The following BRINP1 variants were observed in gnomAD, a reference collection of about 807,000 sequenced individuals.
BRINP1 encodes BMP/retinoic acid-inducible neural-specific protein 1.
A neutral mutation model predicts 72.9 loss-of-function variants in BRINP1; 17 were observed. The ratio of observed to expected loss-of-function variants is 0.23; its 90% CI spans 0.16 to 0.35. The LOEUF (loss-of-function observed/expected upper bound fraction) is 0.35. Among genes scored for constraint, BRINP1 ranks in the 10% least tolerant of loss-of-function variants. The probability of loss-of-function intolerance (pLI) is 1.00; values close to 1 mark genes in which losing one functional copy is unlikely to be tolerated. For synonymous variants in BRINP1, 418 were observed against 378.5 expected (o/e 1.10, Z -1.21); for missense variants, 850 against 1,001.6 (o/e 0.85, Z 2.04).
rs754700062 is a variant in BRINP1, at chr9:119,208,879, G to A, written c.985C>T (p.His329Tyr). Residue 329 changes from histidine (H) to tyrosine (Y), a missense_variant, in exon 7 of 8, where the codon CAT becomes TAT. Coordinates refer to ENST00000265922, the MANE Select transcript of BRINP1 (RefSeq NM_014618.3). ...TCCCAGTCATTGCCCCAGTGCTGATGGATGCTTCCGATGGTCAGGAAGTGG... is the reference window on the plus strand; with the variant it reads ...TCCCAGTCATTGCCCCAGTGCTGATAGATGCTTCCGATGGTCAGGAAGTGG... ...SNHFLTIGSI[H>Y]QHWGNDWDLQ... The A allele has an allele frequency of 6.2e-6, 10 of 1,614,028 alleles. No homozygotes were observed. In the African/African-American group the frequency reaches 1.3e-4, roughly 22 times the overall value.
chr9:119,319,079 C>T (rs1448939573), intron 1 of BRINP1, among the ~76,000 whole-genome samples: 4 of 152,006 alleles, frequency 2.6e-5, no homozygotes, highest in African/African-American at 9.7e-5. Flanking sequence ...AAGACAGCCC[C>T]CACAACAAAG....
At chr9:119,243,923 AC>A (rs1830286574) in intron 3 of BRINP1, among the ~76,000 whole-genome samples, 1 of 152,186 alleles carries the variant, frequency 6.6e-6, no homozygotes, top group Admixed American at 6.5e-5. Context: ...AAGAGTGGGC[AC>A]CTGCATCCTG....
intron 5 of BRINP1, among the ~76,000 whole-genome samples, chr9:119,222,831 CT>C (rs992542540): frequency 3.3e-5 from 5 of 151,276 alleles, no homozygotes; most frequent in African/African-American, 1.2e-4. Flanking sequence ...AGCCAGCATA[CT>C]TTTTTTTTCA....
intron 1 of BRINP1, among the ~76,000 whole-genome samples, chr9:119,363,844 T>G (rs760345481): frequency 8.5e-5 from 13 of 152,166 alleles, no homozygotes; most frequent in Non-Finnish European, 5.9e-5. Context: ...ACATTTCAAG[T>G]GTTCAGCAAT....
intron 7 of BRINP1, among the ~76,000 whole-genome samples, chr9:119,169,880 G>C (rs230096): frequency 0.08 from 12,139 of 151,948 alleles, 1,465 homozygotes; most frequent in African/African-American, 0.27. Flanking sequence ...ACACTGACAC[G>C]TCACAGGCAG....
rs899028127 is a variant in BRINP1, at chr9:119,282,627, T to A, written c.218+30511A>T. ...CAATGAAAAGTAAGCCCATCTCCAC[T>A]GTTATTGTTACAGAAAAGCCCTTAC... is the stretch of plus-strand genomic sequence containing the variant. On this transcript the variant is annotated intron_variant, in intron 2 of 7. Coordinates refer to ENST00000265922, the MANE Select transcript of BRINP1 (RefSeq NM_014618.3). 1.6e-4 allele frequency among the ~76,000 whole-genome samples: 24 copies of A among 152,314 alleles called. 1 individual carries two copies. The highest frequency in any genetic ancestry group is 5.5e-4 in the African/African-American group (23 of 41,558).
intron 2 of BRINP1, among the ~76,000 whole-genome samples, chr9:119,311,757 C>T (rs554778622): frequency 3.2e-4 from 49 of 152,260 alleles, no homozygotes; most frequent in Admixed American, 1.1e-3. Flanking sequence ...AACAACCCCC[C>T]AGATGTTTAC....
chr9:119,332,926 G>A (rs1831313655), intron 1 of BRINP1, among the ~76,000 whole-genome samples: 1 of 152,096 alleles, frequency 6.6e-6, no homozygotes, highest in Non-Finnish European at 1.5e-5. Flanking sequence ...AGATACACTA[G>A]GTAATATTAA....
At chr9:119,194,015 G>A (rs1422840302) in intron 7 of BRINP1, among the ~76,000 whole-genome samples, 1 of 152,172 alleles carries the variant, frequency 6.6e-6, no homozygotes, top group East Asian at 1.9e-4. Context: ...TACACGGAGA[G>A]ACCTTGGAAA....
intron 1 of BRINP1, among the ~76,000 whole-genome samples, chr9:119,320,978 T>C (rs984196667): frequency 6.6e-6 from 1 of 152,054 alleles, no homozygotes; most frequent in Non-Finnish European, 1.5e-5. Flanking sequence ...TCGCCCAGGC[T>C]GGAGTGCAGT....
chr9:119,312,385 T>G (rs1831077279), intron 2 of BRINP1, among the ~76,000 whole-genome samples: 1 of 152,178 alleles, frequency 6.6e-6, no homozygotes, highest in Non-Finnish European at 1.5e-5. Context: ...TCAAAGAGTT[T>G]CCAGTTAGGT....
intron 1 of BRINP1, among the ~76,000 whole-genome samples, chr9:119,365,263 C>T (rs891186630): frequency 2.0e-5 from 3 of 152,140 alleles, no homozygotes; most frequent in Non-Finnish European, 4.4e-5. Context: ...TGTTAAAAGT[C>T]GTGGCTGAAT....
At chr9:119,361,255 A>T (rs1413497127) in intron 1 of BRINP1, among the ~76,000 whole-genome samples, 1 of 152,196 alleles carries the variant, frequency 6.6e-6, no homozygotes, top group Non-Finnish European at 1.5e-5. Context: ...TATGAAAAAA[A>T]AAATTAATTT....
chr9:119,198,682 T>A (rs1433217632), intron 7 of BRINP1, among the ~76,000 whole-genome samples: 1 of 151,988 alleles, frequency 6.6e-6, no homozygotes, highest in Non-Finnish European at 1.5e-5. Context: ...ATTTTTTTTT[T>A]TTTTTTTGAG....
At chr9:119,303,291 G>GACACACACAC (rs35386714) in intron 2 of BRINP1, among the ~76,000 whole-genome samples, 1,204 of 117,432 alleles carry the variant, frequency 0.01, 26 homozygotes, top group African/African-American at 0.037. Flanking sequence ...CACACACACA[G>GACACACACAC]ACACACACAC....
chr9:119,172,426 A>T (rs867592051), intron 7 of BRINP1, among the ~76,000 whole-genome samples: 1 of 152,180 alleles, frequency 6.6e-6, no homozygotes, highest in Non-Finnish European at 1.5e-5. Context: ...CCAAGACTAA[A>T]CCAGGAAGAA....
intron 2 of BRINP1, among the ~76,000 whole-genome samples, chr9:119,312,790 C>G (rs1039056146): frequency 3.9e-5 from 6 of 152,148 alleles, no homozygotes; most frequent in African/African-American, 1.4e-4. Flanking sequence ...AGACAAGTAA[C>G]TCAACCTAGC....
chr9:119,269,560 C>T (rs1320608707), intron 2 of BRINP1, among the ~76,000 whole-genome samples: 1 of 152,156 alleles, frequency 6.6e-6, no homozygotes, highest in Non-Finnish European at 1.5e-5. Flanking sequence ...TATTCAGTGC[C>T]TTCTAGTTTA....
At position 119,167,017 on chromosome 9, in the gene BRINP1, TTTTGC is replaced by T. The variant is rs1305942898; in HGVS notation, c.*62_*66del. Reference sequence around the variant, plus strand: ...AATTTTTGTGGGTTTTTTTGTTTTGTTTTGCTTCATTTTGTTCTGTTGTGTGTGTA... The same window carrying T: ...AATTTTTGTGGGTTTTTTTGTTTTGTTTCATTTTGTTCTGTTGTGTGTGTA... On this transcript the variant is annotated 3_prime_UTR_variant, in exon 8 of 8. Transcript: ENST00000265922. The surrounding 1 kb of genome is among the most constrained non-coding windows in gnomAD (Gnocchi z 4.3). 4.6e-5 allele frequency: 68 copies of T among 1,467,404 alleles called. No homozygotes were observed. In the Middle Eastern group the frequency reaches 6.7e-4, roughly 14 times the overall value. 90.9% of individuals were successfully genotyped at this position (1,467,404 alleles called of 1,614,324 possible).
Sources: allele counts gnomAD v4.1 joint callset (sites outside exome capture counted in the v4.1 genomes callset), GRCh38; gene constraint gnomAD v4.1.1; non-coding constraint Gnocchi (gnomAD v3.1); transcripts MANE v1.5; gene names NCBI Gene and HGNC (gene_info 2026-07-23, HGNC 2026-07-21).